Variants in PDE1C observed in about 807,000 individuals in gnomAD.
The protein encoded by PDE1C is phosphodiesterase 1C.
In PDE1C, 62 loss-of-function variants were observed where a neutral mutation model predicts 93.1. The ratio of observed to expected loss-of-function variants is 0.67; its 90% CI spans 0.54 to 0.82. PDE1C has a LOEUF of 0.82. PDE1C is among the 40% of genes least tolerant of loss of function. PDE1C has a pLI of 0.00. For missense variants in PDE1C, 742 were observed against 884.6 expected, an observed-to-expected ratio of 0.84 and a Z score of 2.04; for synonymous variants, 325 against 310.1, an observed-to-expected ratio of 1.05 and a Z score of -0.50.
intron 2 of PDE1C, among the ~76,000 whole-genome samples, chr7:31,919,572 C>G (rs1802354668): frequency 6.6e-6 from 1 of 152,098 alleles, no homozygotes; most frequent in Admixed American, 6.6e-5. Context: ...CCTCAAGCCA[C>G]CATTTTAAAC....
intron 2 of PDE1C, among the ~76,000 whole-genome samples, chr7:31,896,540 T>C (rs1799350015): frequency 6.6e-6 from 1 of 152,126 alleles, no homozygotes; most frequent in Non-Finnish European, 1.5e-5. Flanking sequence ...TTCACCTCCG[T>C]AGCAGCCAGT....
intron 1 of PDE1C, among the ~76,000 whole-genome samples, chr7:32,313,182 T>C (rs1053149896): frequency 1.3e-5 from 2 of 152,108 alleles, no homozygotes; most frequent in Non-Finnish European, 2.9e-5. Flanking sequence ...ATCAGAGAAA[T>C]GCAAATCAAA....
the PDE1C span, among the ~76,000 whole-genome samples, chr7:31,639,643 TCTC>T: frequency 1.3e-5 from 2 of 151,580 alleles, no homozygotes; most frequent in Non-Finnish European, 2.9e-5. Flanking sequence ...TTCATGCCAT[TCTC>T]CTGCCTCAGC....
chr7:32,327,789 A>AAG (rs60684759), intron 1 of PDE1C, among the ~76,000 whole-genome samples: 3,431 of 132,132 alleles, frequency 0.026, 74 homozygotes, highest in African/African-American at 0.056. Flanking sequence ...AAAAAAAAAA[A>AAG]AGAGAATCAT....
intron 3 of PDE1C, among the ~76,000 whole-genome samples, chr7:32,086,072 T>G (rs59751567): frequency 0.012 from 1,853 of 151,528 alleles, 41 homozygotes; most frequent in African/African-American, 0.04. Flanking sequence ...TTGTCCCTGT[T>G]TGCAGATGAC....
At chr7:32,387,631 T>C in intron 1 of PDE1C, among the ~76,000 whole-genome samples, 1 of 140,726 alleles carries the variant, frequency 7.1e-6, no homozygotes, top group African/African-American at 2.8e-5. Context: ...GGCGGGGGGC[T>C]GATCCCCCCA....
At chr7:31,791,000 A>G (rs931343639) in intron 16 of PDE1C, among the ~76,000 whole-genome samples, 1 of 152,170 alleles carries the variant, frequency 6.6e-6, no homozygotes, top group African/African-American at 2.4e-5. Flanking sequence ...CCTTATAGTT[A>G]GAAAGTGTTC....
intron 3 of PDE1C, among the ~76,000 whole-genome samples, chr7:32,134,457 A>G (rs1367773362): frequency 6.6e-6 from 1 of 152,168 alleles, no homozygotes; most frequent in Non-Finnish European, 1.5e-5. Flanking sequence ...TAAAATGGAG[A>G]TGTCAACTAG....
the PDE1C span, among the ~76,000 whole-genome samples, chr7:31,702,239 G>C: frequency 2.0e-5 from 3 of 149,704 alleles, no homozygotes; most frequent in African/African-American, 7.5e-5. Context: ...ATAGATTGTT[G>C]TTCCCAAATA....
chr7:31,860,172 A>G (rs1794513217), intron 7 of PDE1C, among the ~76,000 whole-genome samples: 1 of 152,190 alleles, frequency 6.6e-6, no homozygotes. Context: ...TTTCTTCTCA[A>G]TCAGTGGTTC....
chr7:32,089,753 G>A (rs1797359013), intron 3 of PDE1C, among the ~76,000 whole-genome samples: 2 of 152,260 alleles, frequency 1.3e-5, no homozygotes, highest in Admixed American at 6.5e-5. Context: ...AAAAGAAAAT[G>A]TCCAAGCATG....
intron 6 of PDE1C, among the ~76,000 whole-genome samples, chr7:31,872,395 C>A (rs1441960165): frequency 6.6e-6 from 1 of 151,964 alleles, no homozygotes. Flanking sequence ...GAAATGTTCC[C>A]AACACATAGA....
chr7:31,873,491 T>C (rs1796179758), intron 5 of PDE1C, 83 bp from the exon 6 acceptor site: 4 of 795,674 alleles, frequency 5.0e-6, no homozygotes, highest in Non-Finnish European at 8.5e-6. Context: ...CAAGTCCGCC[T>C]GCAGCCCTCA....
In PDE1C at chr7:31,968,720, C is replaced by T. The variant is rs1354879330; in HGVS notation, c.128+82834G>A. The stretch of plus-strand genomic sequence containing the variant: ...CCTGACTTCAAACTATACTACAAGG[C>T]TACAGTAACCAAAACAGCATGGTAC... On this transcript the variant is annotated intron_variant, in intron 2 of 17. Transcript: ENST00000396191. Among the ~76,000 whole-genome samples the T allele has an allele frequency of 2.6e-5, 4 of 152,240 alleles. No homozygotes were observed. The South Asian group carries it at 6.2e-4, about 24-fold the overall frequency.
chr7:31,845,726 C>T (rs1410866527), intron 9 of PDE1C, among the ~76,000 whole-genome samples: 3 of 152,120 alleles, frequency 2.0e-5, no homozygotes, highest in Admixed American at 6.6e-5. Context: ...CACAGTGGCT[C>T]ATGCCTGTAA....
At chr7:31,898,520 C>T (rs1004234700) in intron 2 of PDE1C, among the ~76,000 whole-genome samples, 3 of 152,040 alleles carry the variant, frequency 2.0e-5, no homozygotes, top group Non-Finnish European at 4.4e-5. Flanking sequence ...TTATAAAATC[C>T]ACTATTGCAG....
chr7:32,042,180 A>G (rs1791914410), intron 2 of PDE1C, among the ~76,000 whole-genome samples: 1 of 152,178 alleles, frequency 6.6e-6, no homozygotes, highest in South Asian at 2.1e-4. Context: ...TGCACCTGTA[A>G]TCTCAGCTAC....
At chr7:31,945,708 T>C (rs1334218112) in intron 2 of PDE1C, among the ~76,000 whole-genome samples, 1 of 152,124 alleles carries the variant, frequency 6.6e-6, no homozygotes, top group Non-Finnish European at 1.5e-5. Context: ...TATAGTTTCA[T>C]ATATGTCATT....
At chr7:32,224,191 G>C (rs1439510070) in intron 1 of PDE1C, among the ~76,000 whole-genome samples, 1 of 152,176 alleles carries the variant, frequency 6.6e-6, no homozygotes, top group Non-Finnish European at 1.5e-5. Flanking sequence ...TGGCCAACAT[G>C]GTGAAACCCC....
Sources: allele counts gnomAD v4.1 joint callset (sites outside exome capture counted in the v4.1 genomes callset), GRCh38; gene constraint gnomAD v4.1.1; transcripts MANE v1.5; gene names NCBI Gene and HGNC (gene_info 2026-07-23, HGNC 2026-07-21).